KCNH1: variants seen among roughly 807,000 people sequenced by gnomAD.
KCNH1 encodes voltage-gated delayed rectifier potassium channel KCNH1.
KCNH1 carries 27 observed loss-of-function variants against 69.2 expected under a neutral mutation model. The observed-to-expected ratio is 0.39, with a 90% CI of 0.29 to 0.54. The LOEUF (loss-of-function observed/expected upper bound fraction) is 0.54, where lower values mean the gene tolerates loss of function less well. KCNH1 is among the 20% of genes least tolerant of loss of function. KCNH1 has a pLI of 0.68. For missense variants in KCNH1, 798 were observed against 1,261.6 expected (o/e 0.63, Z 5.57); for synonymous variants, 456 against 487.7 (o/e 0.93, Z 0.86).
At chr1:210,751,538 A>C (rs1230154831) in intron 10 of KCNH1, among the ~76,000 whole-genome samples, 2 of 152,152 alleles carry the variant, frequency 1.3e-5, no homozygotes, top group East Asian at 3.9e-4. Context: ...TTAAGTGCTA[A>C]CGTTAGGACA....
intron 9 of KCNH1, among the ~76,000 whole-genome samples, chr1:210,795,227 G>A (rs1035409477): frequency 6.6e-4 from 101 of 152,170 alleles, no homozygotes; most frequent in African/African-American, 2.2e-3. Context: ...ATGTGATCAC[G>A]TCTCACTGCA....
chr1:210,730,943 AT>A (rs1326357821), intron 10 of KCNH1, among the ~76,000 whole-genome samples: 17 of 152,320 alleles, frequency 1.1e-4, no homozygotes, highest in African/African-American at 3.6e-4. Context: ...CCAGGCAGGT[AT>A]CTGGGCATTA....
At chr1:210,745,060 G>T (rs1013238648) in intron 10 of KCNH1, among the ~76,000 whole-genome samples, 1 of 152,046 alleles carries the variant, frequency 6.6e-6, no homozygotes, top group Non-Finnish European at 1.5e-5. Context: ...AAAATTAGCC[G>T]GGCGTGGTGG....
chr1:211,087,230 T>C (rs1690969519), intron 4 of KCNH1, among the ~76,000 whole-genome samples: 1 of 152,210 alleles, frequency 6.6e-6, no homozygotes, highest in Non-Finnish European at 1.5e-5. Context: ...AAGTTTTGCA[T>C]TCCTTTTGTC....
chr1:211,107,904 A>AG (rs1691387837), intron 1 of KCNH1, among the ~76,000 whole-genome samples: 1 of 152,198 alleles, frequency 6.6e-6, no homozygotes, highest in Non-Finnish European at 1.5e-5. Context: ...GGACACACAC[A>AG]GCACCATGGA....
Position 210,678,368 on chromosome 1 carries a change from T to C in KCNH1, c.*4913A>G, listed in dbSNP as rs1681185342. Reference sequence around the variant, plus strand: ...AAATAAAACTTTTTTTTTTTACAAATATCATTTGTGCTTGTTTAAAAATGT... The same window carrying C: ...AAATAAAACTTTTTTTTTTTACAAACATCATTTGTGCTTGTTTAAAAATGT... On this transcript the variant is annotated 3_prime_UTR_variant, in exon 11 of 11. Coordinates refer to ENST00000271751, the MANE Select transcript of KCNH1 (RefSeq NM_172362.3). 1 of 152,088 alleles carries C rather than the reference T, an allele frequency of 6.6e-6. No individual in the cohort carries two copies. Among genetic ancestry groups the C allele is most frequent in the South Asian group, 2.1e-4 (1 of 4,824 alleles). 9.4% of individuals were successfully genotyped at this position (152,088 alleles called of 1,614,324 possible). A position where few individuals can be genotyped will look rare whatever the true frequency, so the allele number is the denominator to read the frequency against.
chr1:210,946,667 G>T (rs1687964212), intron 6 of KCNH1, among the ~76,000 whole-genome samples: 1 of 152,066 alleles, frequency 6.6e-6, no homozygotes, highest in Non-Finnish European at 1.5e-5. Context: ...CCACCCATAA[G>T]GCCCTTGTGG....
At chr1:210,814,110 A>G (rs1684767076) in intron 7 of KCNH1, among the ~76,000 whole-genome samples, 1 of 152,112 alleles carries the variant, frequency 6.6e-6, no homozygotes, top group South Asian at 2.1e-4. Flanking sequence ...TAACAATGGG[A>G]AGAAAAAGAA....
Position 210,683,466 on chromosome 1 carries a change from C to T in KCNH1, c.2785G>A (p.Val929Met). 2 of 1,614,124 alleles carry T rather than the reference C, an allele frequency of 1.2e-6. No individual in the cohort carries two copies. The highest frequency in any genetic ancestry group is 1.7e-6 in the Non-Finnish European group (2 of 1,180,016). Residue 929 changes from valine to methionine, a missense_variant, in exon 11 of 11, where the codon GTG (valine) becomes ATG (methionine). Around this residue, in one of 4 missense-constraint regions of KCNH1, gnomAD observed 331 missense variants for 363.2 expected, o/e 0.91. Coordinates refer to ENST00000271751, the MANE Select transcript of KCNH1 (RefSeq NM_172362.3). This position sits in a 1 kb window ranked among gnomAD's most constrained non-coding sequence, Gnocchi z 5.7. ...EQTLQATVLE[V>M]RHELKEDIKA... ...ATGTCCTCCTTCAGCTCGTGCCTCA[C>T]CTCCAGGACTGTGGCCTGCAGCGTC... is the stretch of plus-strand genomic sequence containing the variant.
At chr1:211,080,597 G>A (rs770082313) in intron 5 of KCNH1, among the ~76,000 whole-genome samples, 24 of 152,206 alleles carry the variant, frequency 1.6e-4, no homozygotes, top group Admixed American at 4.6e-4. Context: ...CCAAAACAGT[G>A]TGGTACTGGT....
chr1:210,908,575 G>A (rs1462531289), intron 7 of KCNH1, among the ~76,000 whole-genome samples: 4 of 152,136 alleles, frequency 2.6e-5, no homozygotes, highest in African/African-American at 9.7e-5. Flanking sequence ...TCACTGCAGG[G>A]CTGCTGTCAG....
chr1:210,890,009 C>T (rs1175725656), intron 7 of KCNH1, among the ~76,000 whole-genome samples: 2 of 152,150 alleles, frequency 1.3e-5, no homozygotes, highest in African/African-American at 4.8e-5. Flanking sequence ...CATCAAGCCA[C>T]CATTGACTTT....
intron 10 of KCNH1, among the ~76,000 whole-genome samples, chr1:210,737,631 G>A (rs1037209828): frequency 6.6e-6 from 1 of 152,000 alleles, no homozygotes; most frequent in African/African-American, 2.4e-5. Flanking sequence ...ATTCCTACAT[G>A]CCCTCTCCCC....
In KCNH1 at chr1:210,994,785, A is replaced by C. The variant is rs187598065; in HGVS notation, c.1032+23998T>G. ...CAGTAGATGTGCAGCACACCAGTTG[A>C]AAGTATATGCTAGAATCAAACAAGC... On this transcript the variant is annotated intron_variant, in intron 6 of 10. Transcript: ENST00000271751. Among the ~76,000 whole-genome samples, 860 of 152,304 alleles carry C rather than the reference A, an allele frequency of 5.6e-3. 2 individuals carry two copies. The highest frequency in any genetic ancestry group is 0.01 in the Middle Eastern group (3 of 294).
At chr1:210,999,367 C>A (rs1026822195) in intron 6 of KCNH1, among the ~76,000 whole-genome samples, 5 of 152,146 alleles carry the variant, frequency 3.3e-5, no homozygotes, top group Non-Finnish European at 7.3e-5. Context: ...AAACTACCAT[C>A]AGAGAATACT....
chr1:211,020,408 T>A (rs1352725112), intron 5 of KCNH1, among the ~76,000 whole-genome samples: 5 of 151,606 alleles, frequency 3.3e-5, no homozygotes, highest in African/African-American at 9.7e-5. Flanking sequence ...CCTGGACACA[T>A]ACAACCTACC....
intron 6 of KCNH1, among the ~76,000 whole-genome samples, chr1:210,997,322 C>G (rs1396768688): frequency 2.0e-5 from 3 of 152,168 alleles, no homozygotes; most frequent in African/African-American, 7.2e-5. Flanking sequence ...CTTAAAGGAG[C>G]TGATGCAGCT....
intron 5 of KCNH1, among the ~76,000 whole-genome samples, chr1:211,077,689 A>C (rs1690762042): frequency 6.6e-6 from 1 of 152,232 alleles, no homozygotes; most frequent in Non-Finnish European, 1.5e-5. Context: ...GCTAGGAAGA[A>C]ACTGCATCAA....
At chr1:211,070,981 C>T (rs1392322144) in intron 5 of KCNH1, among the ~76,000 whole-genome samples, 1 of 152,224 alleles carries the variant, frequency 6.6e-6, no homozygotes, top group African/African-American at 2.4e-5. Context: ...TACTAATAGC[C>T]TACTACTGAC....
Sources: allele counts gnomAD v4.1 joint callset (sites outside exome capture counted in the v4.1 genomes callset), GRCh38; gene constraint gnomAD v4.1.1; regional missense constraint gnomAD v4.1.1; non-coding constraint Gnocchi (gnomAD v3.1); transcripts MANE v1.5; gene names NCBI Gene and HGNC (gene_info 2026-07-23, HGNC 2026-07-21).